PIK3CA: variants seen among roughly 807,000 people sequenced by gnomAD.
PIK3CA encodes the protein phosphatidylinositol 4,5-bisphosphate 3-kinase catalytic subunit alpha isoform.
A neutral mutation model predicts 138.2 loss-of-function variants in PIK3CA; 27 were observed. That is an observed-to-expected ratio of 0.20 (90% confidence interval 0.14 to 0.27). PIK3CA has a LOEUF of 0.27. Among genes scored for constraint, PIK3CA ranks in the 10% least tolerant of loss-of-function variants. The pLI is 1.00. For synonymous variants in PIK3CA, 358 were observed against 413.2 expected (o/e 0.87, Z 1.62); for missense variants, 544 against 1,277.4 (o/e 0.43, Z 8.75).
At chr3:179,179,647 T>G (rs1334380866) in intron 1 of PIK3CA, among the ~76,000 whole-genome samples, 8 of 152,226 alleles carry the variant, frequency 5.3e-5, no homozygotes, top group Admixed American at 2.6e-4. Context: ...GTTCGTTGTA[T>G]GTTAACTATA....
chr3:179,171,962 A>T (rs536458805), intron 1 of PIK3CA, among the ~76,000 whole-genome samples: 1 of 152,208 alleles, frequency 6.6e-6, no homozygotes, highest in South Asian at 2.1e-4. Flanking sequence ...TATTCCTCAT[A>T]AATGTAGACA....
chr3:179,215,258 T>G (rs966474414), intron 9 of PIK3CA, among the ~76,000 whole-genome samples: 8 of 152,350 alleles, frequency 5.3e-5, no homozygotes, highest in African/African-American at 1.9e-4. Flanking sequence ...TACGAGTCTC[T>G]TTTTTGAGCA....
In PIK3CA at chr3:179,210,317, T is replaced by C; in HGVS notation, c.1383T>C (p.Val461=). Residue 461 remains valine, a synonymous_variant, in exon 8 of 21, where the codon GTT becomes GTC. Transcript: ENST00000263967. ...GLEDLLNPIG[V]TGSNPNKETP... ...AAGATTTGCTGAACCCTATTGGTGTTACTGGATCAAATCCAAATAAAGTAA... is the reference window on the plus strand; with the variant it reads ...AAGATTTGCTGAACCCTATTGGTGTCACTGGATCAAATCCAAATAAAGTAA... 6.3e-7 allele frequency: 1 copy of C among 1,587,554 alleles called. No homozygotes were observed.
intron 1 of PIK3CA, among the ~76,000 whole-genome samples, chr3:179,189,870 C>T (rs1025890083): frequency 6.6e-6 from 1 of 152,086 alleles, no homozygotes; most frequent in African/African-American, 2.4e-5. Flanking sequence ...TTTCTCACGG[C>T]CAGCTTTTAA....
chr3:179,190,919 G>A (rs1353196829), intron 1 of PIK3CA, among the ~76,000 whole-genome samples: 2 of 152,194 alleles, frequency 1.3e-5, no homozygotes, highest in East Asian at 1.9e-4. Context: ...TACTGTGAAC[G>A]AAAATTGTCT....
rs2108384777 is a variant in PIK3CA, at chr3:179,198,776, C to G, written c.-50C>G. ...TTTCTGCTTTGGGACAACCATACATCTAATTCCTTAAAGTAGTTTTATATG... is the reference window on the plus strand; with the variant it reads ...TTTCTGCTTTGGGACAACCATACATGTAATTCCTTAAAGTAGTTTTATATG... On this transcript the variant is annotated 5_prime_UTR_variant, in exon 2 of 21. The change creates a new upstream start codon in the 5' untranslated region. Coordinates refer to ENST00000263967, the MANE Select transcript of PIK3CA (RefSeq NM_006218.4). 5 of 1,081,222 alleles carry G rather than the reference C, an allele frequency of 4.6e-6. No homozygotes were observed. Among genetic ancestry groups the G allele is most frequent in the Admixed American group, 5.4e-5 (2 of 37,368 alleles). 67.0% of individuals were successfully genotyped at this position (1,081,222 alleles called of 1,614,324 possible).
At chr3:179,209,335 C>CG (rs1724649565) in intron 6 of PIK3CA, among the ~76,000 whole-genome samples, 1 of 152,086 alleles carries the variant, frequency 6.6e-6, no homozygotes. Context: ...TTGGCATCAT[C>CG]AGTCTTTATA....
In PIK3CA at chr3:179,203,615, T is replaced by G; in HGVS notation, c.885T>G (p.Ser295=). 1 of 1,613,998 alleles carries G rather than the reference T, an allele frequency of 6.2e-7. No homozygotes were observed. The highest frequency in any genetic ancestry group is 8.5e-7 in the Non-Finnish European group (1 of 1,179,962). ...LMLMAKESLY[S]QLPMDCFTMP... is the part of the protein sequence containing the mutation. Reference sequence around the variant, plus strand: ...TGATGGCTAAAGAAAGCCTTTATTCTCAACTGCCAATGGACTGTTTTACAA... The same window carrying G: ...TGATGGCTAAAGAAAGCCTTTATTCGCAACTGCCAATGGACTGTTTTACAA... The change falls in exon 5 of 21, where the codon TCT becomes TCG. Residue 295 remains serine (S), a synonymous_variant. Coordinates refer to ENST00000263967, the MANE Select transcript of PIK3CA (RefSeq NM_006218.4).
chr3:179,153,287 A>T lies in PIK3CA; in HGVS notation c.-77+4684A>T, dbSNP rs1723057586. Among the ~76,000 whole-genome samples, 3 of 152,214 alleles carry T rather than the reference A, an allele frequency of 2.0e-5. No individual in the cohort carries two copies. The South Asian group carries it at 6.2e-4, about 31-fold the overall frequency. On this transcript the variant is annotated intron_variant, in intron 1 of 20. Transcript: ENST00000263967. ...GTTTTAAAATTTAATATTGTGTTAT[A>T]TATATCACCTTTATTTATTTGGTAA...
intron 1 of PIK3CA, among the ~76,000 whole-genome samples, chr3:179,180,646 T>C (rs1306223746): frequency 6.6e-6 from 1 of 152,024 alleles, no homozygotes; most frequent in Non-Finnish European, 1.5e-5. Flanking sequence ...GTTTTAACCT[T>C]GGAGATTGAG....
rs771025280 is a variant in PIK3CA, at chr3:179,204,628, T to C, written c.1145+40T>C. The C allele has an allele frequency of 6.9e-6, 7 of 1,012,094 alleles. No individual in the cohort carries two copies. The Admixed American group carries it at 1.2e-4, about 18-fold the overall frequency. 62.7% of individuals were successfully genotyped at this position (1,012,094 alleles called of 1,614,324 possible). A position where few individuals can be genotyped will look rare whatever the true frequency, so the allele number is the denominator to read the frequency against. ...AGATTTATATTTCCAAAGGTTATAT[T>C]AGTGTTTAGCAGTATGATCCATAAA... On this transcript the variant is annotated intron_variant, in intron 6 of 20. Transcript: ENST00000263967.
intron 1 of PIK3CA, chr3:179,169,123 A>C (rs189414091): frequency 3.9e-5 from 6 of 152,222 alleles, no homozygotes; most frequent in Non-Finnish European, 7.3e-5. Flanking sequence ...ATTGAGTGCT[A>C]CAGCATCCTA....
Position 179,233,168 on chromosome 3 carries a change from G to C in PIK3CA, c.2937-926G>C, listed in dbSNP as rs1486604803. 10 of 395,086 alleles carry C rather than the reference G, an allele frequency of 2.5e-5. No homozygotes were observed. The East Asian group carries it at 2.9e-4, about 11-fold the overall frequency. The allele number at this position is 395,086 out of a possible 1,614,324, so 24.5% of individuals were successfully genotyped here. ...GCCACCACACCTGGCTGAAATCTAGGAATTTTTTGGAGAACTCTTGGGTTT... is the reference window on the plus strand; with the variant it reads ...GCCACCACACCTGGCTGAAATCTAGCAATTTTTTGGAGAACTCTTGGGTTT... On this transcript the variant is annotated intron_variant, in intron 20 of 20. Transcript: ENST00000263967.
intron 1 of PIK3CA, among the ~76,000 whole-genome samples, chr3:179,190,795 G>T (rs995393741): frequency 6.6e-6 from 1 of 152,190 alleles, no homozygotes; most frequent in African/African-American, 2.4e-5. Flanking sequence ...ATGCATAGGG[G>T]TCCTACAAAG....
intron 7 of PIK3CA, 125 bp downstream of exon 7, chr3:179,209,825 A>T (rs1394272373): frequency 1.5e-5 from 7 of 480,470 alleles, no homozygotes; most frequent in Non-Finnish European, 2.5e-5. Flanking sequence ...ACCTATTTTT[A>T]AAATTTTAAT....
chr3:179,159,858 A>T (rs1289635427), intron 1 of PIK3CA, among the ~76,000 whole-genome samples: 1 of 152,210 alleles, frequency 6.6e-6, no homozygotes, highest in African/African-American at 2.4e-5. Context: ...TGTACAGTAT[A>T]TTACTATACT....
rs752167270 is a variant in PIK3CA at position 179,218,380 on chromosome 3, GA to G, written c.1664+52del. ...TCTCTGTTTCTTTTTCTTTATTACA[GA>G]AAAAATAACTGAATTTGGCTGATCT... On this transcript the variant is annotated intron_variant, in intron 10 of 20. Transcript: ENST00000263967. 6.2e-5 allele frequency: 94 copies of G among 1,515,552 alleles called. No individual in the cohort carries two copies. The Middle Eastern group carries it at 1.8e-3, about 28-fold the overall frequency. 93.9% of individuals were successfully genotyped at this position (1,515,552 alleles called of 1,614,324 possible). A position where few individuals can be genotyped will look rare whatever the true frequency, so the allele number is the denominator to read the frequency against.
At chr3:179,222,932 A>G (rs1465725343) in intron 14 of PIK3CA, among the ~76,000 whole-genome samples, 1 of 152,190 alleles carries the variant, frequency 6.6e-6, no homozygotes, top group Non-Finnish European at 1.5e-5. Context: ...TCTAAGCTGG[A>G]GTTTTTATAT....
intron 1 of PIK3CA, among the ~76,000 whole-genome samples, chr3:179,155,929 GC>G (rs1457372294): frequency 2.6e-5 from 4 of 152,152 alleles, no homozygotes; most frequent in African/African-American, 9.7e-5. Context: ...CTATTAACTA[GC>G]TGTTTGGCCT....
Sources: gnomAD v4.1 joint callset for allele counts (sites outside exome capture counted in the v4.1 genomes callset) on GRCh38, gnomAD v4.1.1 for gene constraint, MANE v1.5 for transcripts, NCBI Gene and HGNC (gene_info 2026-07-23, HGNC 2026-07-21) for gene names.